The following JAZF1 variants were observed in gnomAD, a reference collection of about 807,000 sequenced individuals.
The protein encoded by JAZF1 is juxtaposed with another zinc finger protein 1.
In JAZF1, 8 loss-of-function variants were observed where a neutral mutation model predicts 26.4. That is an observed-to-expected ratio of 0.30 (90% CI 0.18 to 0.55). The LOEUF is 0.55. JAZF1 is among the 20% of genes least tolerant of loss of function. The probability of loss-of-function intolerance (pLI) is 0.94; values close to 1 mark genes in which losing one functional copy is unlikely to be tolerated. For missense variants in JAZF1, 199 were observed against 322.0 expected, an observed-to-expected ratio of 0.62 and a Z score of 2.92; for synonymous variants, 126 against 122.3, an observed-to-expected ratio of 1.03 and a Z score of -0.20.
At chr7:27,904,356 G>T (rs1784213995) in intron 2 of JAZF1, among the ~76,000 whole-genome samples, 1 of 152,154 alleles carries the variant, frequency 6.6e-6, no homozygotes, top group South Asian at 2.1e-4. Context: ...TAATTCCATA[G>T]TGAAGCTAAA....
intron 3 of JAZF1, among the ~76,000 whole-genome samples, chr7:27,885,978 C>T (rs1783854866): frequency 6.6e-6 from 1 of 152,136 alleles, no homozygotes; most frequent in African/African-American, 2.4e-5. Context: ...TTCTAGAAGC[C>T]CTAACTAACC....
chr7:28,174,508 C>T (rs1017757645), intron 1 of JAZF1, among the ~76,000 whole-genome samples: 2 of 152,198 alleles, frequency 1.3e-5, no homozygotes, highest in African/African-American at 2.4e-5. Context: ...GAGATATCTC[C>T]GAAATATATG....
intron 1 of JAZF1, among the ~76,000 whole-genome samples, chr7:28,013,349 C>A (rs972990380): frequency 6.6e-6 from 1 of 152,078 alleles, no homozygotes; most frequent in African/African-American, 2.4e-5. Flanking sequence ...GAATGTTGTT[C>A]AGTGATTAAA....
chr7:27,889,807 C>T (rs1200264356), intron 3 of JAZF1, among the ~76,000 whole-genome samples: 1 of 152,064 alleles, frequency 6.6e-6, no homozygotes, highest in Non-Finnish European at 1.5e-5. Context: ...TTGATGCGCA[C>T]CTGTATTCCC....
intron 1 of JAZF1, among the ~76,000 whole-genome samples, chr7:28,135,479 T>C (rs781517794): frequency 2.0e-5 from 3 of 152,264 alleles, no homozygotes; most frequent in African/African-American, 4.8e-5. Context: ...CACAGCCACA[T>C]GTTCTTTGGC....
intron 1 of JAZF1, among the ~76,000 whole-genome samples, chr7:28,027,159 G>A (rs574327570): frequency 1.2e-4 from 18 of 152,236 alleles, no homozygotes; most frequent in African/African-American, 2.9e-4. Flanking sequence ...ATGAACAGAC[G>A]TACTGACCCC....
intron 3 of JAZF1, among the ~76,000 whole-genome samples, chr7:27,851,738 G>A (rs1299937389): frequency 6.6e-6 from 1 of 152,106 alleles, no homozygotes; most frequent in African/African-American, 2.4e-5. Flanking sequence ...TGATCACAAT[G>A]ACTACCAAGC....
chr7:27,881,327 C>CT (rs1164156508), intron 3 of JAZF1, among the ~76,000 whole-genome samples: 3 of 152,136 alleles, frequency 2.0e-5, no homozygotes, highest in Non-Finnish European at 2.9e-5. Flanking sequence ...TAATTGCATG[C>CT]TTTTAAATAT....
intron 2 of JAZF1, among the ~76,000 whole-genome samples, chr7:27,978,168 T>C (rs1463809632): frequency 2.0e-5 from 3 of 152,238 alleles, no homozygotes; most frequent in Non-Finnish European, 2.9e-5. Flanking sequence ...ATTCTTATTC[T>C]TTCATAAACA....
At chr7:28,004,946 C>T (rs564867621) in intron 1 of JAZF1, among the ~76,000 whole-genome samples, 1 of 152,324 alleles carries the variant, frequency 6.6e-6, no homozygotes, top group East Asian at 1.9e-4. Flanking sequence ...ACCACAAGAC[C>T]TACCTGAAAT....
At chr7:27,847,463 T>C (rs1196836004) in intron 3 of JAZF1, among the ~76,000 whole-genome samples, 1 of 152,184 alleles carries the variant, frequency 6.6e-6, no homozygotes, top group Non-Finnish European at 1.5e-5. Flanking sequence ...GTGTGTATGG[T>C]ATAAGATAAG....
intron 2 of JAZF1, chr7:27,914,857 C>T (rs757171229): frequency 8.5e-6 from 4 of 470,966 alleles, no homozygotes; most frequent in Non-Finnish European, 1.8e-5. Context: ...CTGGGCTCCT[C>T]TGTTCTAGAA....
In JAZF1 at chr7:28,045,936, A is replaced by G. The variant is rs149582179; in HGVS notation, c.116-53955T>C. 1.2e-3 allele frequency among the ~76,000 whole-genome samples: 188 copies of G among 152,308 alleles called. 7 individuals are homozygous for G. The East Asian group carries it at 0.033, about 27-fold the overall frequency. On this transcript the variant is annotated intron_variant, in intron 1 of 4. Transcript: ENST00000283928. ...TAAAAATTACAAAATAGCATTTGCAAATTTTTAAAAAGTGGAAAACCATTA... is the reference window on the plus strand; with the variant it reads ...TAAAAATTACAAAATAGCATTTGCAGATTTTTAAAAAGTGGAAAACCATTA...
At chr7:28,045,372 G>A (rs959919465) in intron 1 of JAZF1, among the ~76,000 whole-genome samples, 2 of 152,104 alleles carry the variant, frequency 1.3e-5, no homozygotes, top group African/African-American at 4.8e-5. Flanking sequence ...AGTTTCTAAG[G>A]ACTCTTGAGA....
At chr7:28,161,742 T>C (rs1783294899) in intron 1 of JAZF1, among the ~76,000 whole-genome samples, 1 of 152,148 alleles carries the variant, frequency 6.6e-6, no homozygotes. Context: ...TGCTGCTAAC[T>C]AGCTATAAAA....
rs145561579 is a variant in JAZF1 at position 28,030,168 on chromosome 7, G to C, written c.116-38187C>G. ...GCGCAGGATGGAGAATGTTTCTAAAGAATTGAAAAGGAGTGTTCAGTTTAA... is the reference window on the plus strand; with the variant it reads ...GCGCAGGATGGAGAATGTTTCTAAACAATTGAAAAGGAGTGTTCAGTTTAA... On this transcript the variant is annotated intron_variant, in intron 1 of 4. Transcript: ENST00000283928. Among the ~76,000 whole-genome samples the C allele has an allele frequency of 9.7e-3, 1,477 of 152,314 alleles. 15 individuals carry two copies. The highest frequency in any genetic ancestry group is 0.017 in the Non-Finnish European group (1,127 of 68,020).
chr7:28,169,686 C>A (rs915563951), intron 1 of JAZF1, among the ~76,000 whole-genome samples: 1 of 152,192 alleles, frequency 6.6e-6, no homozygotes, highest in African/African-American at 2.4e-5. Flanking sequence ...CCATTTCCTT[C>A]ATGTGATGTT....
At chr7:28,015,571 G>T (rs1782876994) in intron 1 of JAZF1, among the ~76,000 whole-genome samples, 1 of 151,996 alleles carries the variant, frequency 6.6e-6, no homozygotes, top group Non-Finnish European at 1.5e-5. Context: ...ATACACAATG[G>T]GTGCCTATGG....
intron 2 of JAZF1, among the ~76,000 whole-genome samples, chr7:27,937,262 C>T (rs191532019): frequency 4.1e-4 from 62 of 152,316 alleles, no homozygotes; most frequent in Admixed American, 2.9e-3. Flanking sequence ...AAGGACTCCA[C>T]AAGCCTAACT....
Sources: gnomAD v4.1 joint callset for allele counts (sites outside exome capture counted in the v4.1 genomes callset) on GRCh38, gnomAD v4.1.1 for gene constraint, MANE v1.5 for transcripts, NCBI Gene and HGNC (gene_info 2026-07-23, HGNC 2026-07-21) for gene names.